Variants in VWA1 observed in about 807,000 individuals in gnomAD.
VWA1 encodes von Willebrand factor A domain-containing protein 1.
A neutral mutation model predicts 14.9 loss-of-function variants in VWA1; 12 were observed. The ratio of observed to expected loss-of-function variants is 0.80; its 90% CI spans 0.52 to 1.30. The LOEUF (loss-of-function observed/expected upper bound fraction) is 1.30. Among genes scored for constraint, VWA1 ranks in the 50% most tolerant of loss-of-function variants. The pLI is 0.00. For synonymous variants in VWA1, 368 were observed against 310.7 expected (o/e 1.18, Z -1.94); for missense variants, 800 against 649.1 (o/e 1.23, Z -2.53).
intron 2 of VWA1, 107 bp downstream of exon 2, chr1:1,437,591 G>T (rs1638574921): frequency 7.2e-7 from 1 of 1,382,928 alleles, no homozygotes; most frequent in East Asian, 2.4e-5. Flanking sequence ...AGCGGCCAGG[G>T]CCTCCGGGGC....
Position 1,439,327 on chromosome 1 carries a change from G to C in VWA1, c.878G>C (p.Arg293Thr), listed in dbSNP as rs751573348. Residue 293 changes from arginine (R) to threonine (T), a missense_variant, in exon 3 of 3, where the codon AGG becomes ACG. Coordinates refer to ENST00000476993, the MANE Select transcript of VWA1 (RefSeq NM_022834.5). ...LVPESNVRLL[R>T]PQILRVRTRP... The stretch of plus-strand genomic sequence containing the variant: ...CCTGAGTCCAACGTGCGCCTCCTGA[G>C]GCCCCAGATCCTGCGGGTGCGCACG... 3.2e-6 allele frequency: 5 copies of C among 1,583,434 alleles called. No homozygotes were observed. Among genetic ancestry groups the C allele is most frequent in the Non-Finnish European group, 4.3e-6 (5 of 1,170,780 alleles).
chr1:1,439,398 G>A lies in VWA1; in HGVS notation c.949G>A (p.Ala317Thr), dbSNP rs996884051. ...GPGASGPESG[A>T]GPAPTQLAAL... ...GGGGGCTTCGGGCCCGGAGTCGGGG[G>A]CTGGGCCGGCCCCCACGCAGCTCGC... Residue 317 changes from alanine (A) to threonine (T), a missense_variant, in exon 3 of 3, where the codon GCT becomes ACT. By Grantham distance (58) the Ala-to-Thr change is moderately conservative (BLOSUM62 0). Coordinates refer to ENST00000476993, the MANE Select transcript of VWA1 (RefSeq NM_022834.5). 9 of 1,456,080 alleles carry A rather than the reference G, an allele frequency of 6.2e-6. No individual in the cohort carries two copies. The highest frequency in any genetic ancestry group is 1.5e-5 in the African/African-American group (1 of 67,246). The allele number at this position is 1,456,080 out of a possible 1,614,324, so 90.2% of individuals were successfully genotyped here.
In VWA1 at chr1:1,438,759, C is replaced by T. The variant is rs112845049; in HGVS notation, c.632-322C>T. On this transcript the variant is annotated intron_variant, in intron 2 of 2. Transcript: ENST00000476993. ...TCTCAGGCACCACCGTGGACTCTGC[C>T]GTCTTTGAGGACCTTTGTCCTGGTC... 4.7e-4 allele frequency among the ~76,000 whole-genome samples: 72 copies of T among 152,282 alleles called. 1 individual carries two copies. The highest frequency in any genetic ancestry group is 1.5e-3 in the African/African-American group (61 of 41,548).
chr1:1,438,985 C>A (rs1437157374), intron 2 of VWA1, 96 bp from the exon 3 acceptor site: 6 of 1,453,806 alleles, frequency 4.1e-6, no homozygotes, highest in South Asian at 2.8e-5. Context: ...CCTAGTGGGG[C>A]CTCCAATCTC....
chr1:1,439,243 C>T lies in VWA1; in HGVS notation c.794C>T (p.Ala265Val). The change falls in exon 3 of 3, where the codon GCC becomes GTC. Residue 265 changes from alanine to valine, a missense_variant. Ala to Val is a moderately conservative substitution (Grantham distance 64, BLOSUM62 0). Coordinates refer to ENST00000476993, the MANE Select transcript of VWA1 (RefSeq NM_022834.5). ...AARRQQLPGNATDWIWAGLDP... is the reference protein window; with the variant it reads ...AARRQQLPGNVTDWIWAGLDP... The stretch of plus-strand genomic sequence containing the variant: ...AGACGCCAGCAGCTGCCAGGGAACG[C>T]CACGGACTGGATCTGGGCCGGCCTC... The T allele has an allele frequency of 6.2e-7, 1 of 1,607,528 alleles. No individual in the cohort carries two copies. Among genetic ancestry groups the T allele is most frequent in the Non-Finnish European group, 8.5e-7 (1 of 1,178,922 alleles).
chr1:1,436,826 G>A (rs1455669092), intron 1 of VWA1, 101 bp from the exon 2 acceptor site: 2 of 1,238,122 alleles, frequency 1.6e-6, no homozygotes, highest in East Asian at 4.8e-5. Flanking sequence ...GAGAAGGCAA[G>A]CATCCACTTA....
intron 1 of VWA1, 131 bp from the exon 2 acceptor site, chr1:1,436,796 C>T (rs764966458): frequency 3.2e-6 from 3 of 942,344 alleles, no homozygotes; most frequent in South Asian, 1.7e-5. Flanking sequence ...TTCCTCTTTC[C>T]CCCAACCTAG....
In VWA1 at chr1:1,439,769, C is replaced by T. The variant is rs1221131482; in HGVS notation, c.1320C>T (p.Thr440=). The T allele has an allele frequency of 1.8e-6, 2 of 1,083,872 alleles. No homozygotes were observed. The highest frequency in any genetic ancestry group is 4.0e-5 in the South Asian group (1 of 25,238). 67.1% of individuals were successfully genotyped at this position (1,083,872 alleles called of 1,614,324 possible). The change falls in exon 3 of 3, where the codon ACC becomes ACT. Residue 440 remains threonine (T), a synonymous_variant. Coordinates refer to ENST00000476993, the MANE Select transcript of VWA1 (RefSeq NM_022834.5). ...TGCCCCGCGCCCCGACCCCGGGGAC[C>T]GCCAGCCGTGAGCCGTAAGCCGGCG... ...RPVPRAPTPG[T]ASREP
chr1:1,439,176 T>C lies in VWA1; in HGVS notation c.727T>C (p.Tyr243His). Residue 243 changes from tyrosine to histidine, a missense_variant, in exon 3 of 3, where the codon TAT becomes CAT. Tyr to His is a moderately conservative substitution (Grantham distance 83). Transcript: ENST00000476993. The part of the protein sequence containing the change: ...PPLLTADSGY[Y>H]VLELVPSAQP... The stretch of plus-strand genomic sequence containing the variant: ...CCTGCTGACCGCAGACTCGGGCTAC[T>C]ATGTGCTGGAGCTGGTGCCCAGCGC... 1 of 1,605,478 alleles carries C rather than the reference T, an allele frequency of 6.2e-7. No homozygotes were observed. The highest frequency in any genetic ancestry group is 8.5e-7 in the Non-Finnish European group (1 of 1,179,408).
rs778346498 is a variant in VWA1 at position 1,437,484 on chromosome 1, G to A, written c.631G>A (p.Asp211Asn). The part of the protein sequence containing the change: ...IVQELRGSIL[D>N]AMRPQQLHAT... ...CCAAGAGCTGAGGGGCTCCATTCTCGGTATGCGGGAGGAGGCAGGGCCCAG... is the reference window on the plus strand; with the variant it reads ...CCAAGAGCTGAGGGGCTCCATTCTCAGTATGCGGGAGGAGGCAGGGCCCAG... Residue 211 changes from aspartate to asparagine, a missense_variant and splice_region_variant, in exon 2 of 3, where the codon GAC becomes AAC. Asp to Asn is a conservative substitution (Grantham distance 23, BLOSUM62 1). Transcript: ENST00000476993. The A allele has an allele frequency of 8.8e-6, 14 of 1,598,116 alleles. No homozygotes were observed. Among genetic ancestry groups the A allele is most frequent in the Non-Finnish European group, 1.1e-5 (13 of 1,169,364 alleles).
intron 2 of VWA1, among the ~76,000 whole-genome samples, chr1:1,438,869 G>A (rs1021529875): frequency 2.0e-5 from 3 of 152,228 alleles, no homozygotes; most frequent in African/African-American, 7.2e-5. Context: ...GCCTGAGGGG[G>A]CTGCACCCTT....
At position 1,439,018 on chromosome 1, in the gene VWA1, G is replaced by A. The variant is rs1001478504; in HGVS notation, c.632-63G>A. 59 of 1,527,808 alleles carry A rather than the reference G, an allele frequency of 3.9e-5. 1 individual carries two copies. The African/African-American group carries it at 4.3e-4, about 11-fold the overall frequency. The allele number at this position is 1,527,808 out of a possible 1,614,324, so 94.6% of individuals were successfully genotyped here. ...CTCCAGATCTTCCCCATCAGCCAGGGCCGCCCTCCAGCAGCGGAGGAGGAA... is the reference window on the plus strand; with the variant it reads ...CTCCAGATCTTCCCCATCAGCCAGGACCGCCCTCCAGCAGCGGAGGAGGAA... On this transcript the variant is annotated intron_variant, in intron 2 of 2. Transcript: ENST00000476993.
Position 1,440,549 on chromosome 1 carries a change from G to C in VWA1, c.*762G>C, listed in dbSNP as rs958642318. The C allele has an allele frequency of 1.0e-4, 17 of 165,648 alleles. No homozygotes were observed. The highest frequency in any genetic ancestry group is 3.6e-4 in the African/African-American group (15 of 41,222). The allele number at this position is 165,648 out of a possible 1,614,324, so 10.3% of individuals were successfully genotyped here. A position where few individuals can be genotyped will look rare whatever the true frequency, so the allele number is the denominator to read the frequency against. On this transcript the variant is annotated 3_prime_UTR_variant, in exon 3 of 3. Coordinates refer to ENST00000476993, the MANE Select transcript of VWA1 (RefSeq NM_022834.5). ...GACGACACTCTCCAGGGAGGCCCCA[G>C]CAACCACACCATCTTCTTGCTGTGA...
Position 1,439,314 on chromosome 1 carries a change from G to T in VWA1, c.865G>T (p.Val289Leu). The change falls in exon 3 of 3, where the codon GTG (valine) becomes TTG (leucine). Residue 289 changes from valine to leucine, a missense_variant. Val to Leu is a conservative substitution (Grantham distance 32). Coordinates refer to ENST00000476993, the MANE Select transcript of VWA1 (RefSeq NM_022834.5). ...CGTGGCGCTAGTGCCTGAGTCCAAC[G>T]TGCGCCTCCTGAGGCCCCAGATCCT... ...YDVALVPESNVRLLRPQILRV... is the reference protein window; with the variant it reads ...YDVALVPESNLRLLRPQILRV... 1 of 1,590,910 alleles carries T rather than the reference G, an allele frequency of 6.3e-7. No individual in the cohort carries two copies. Among genetic ancestry groups the T allele is most frequent in the African/African-American group, 1.3e-5 (1 of 74,780 alleles).
Position 1,440,378 on chromosome 1 carries a change from A to C in VWA1, c.*591A>C, listed in dbSNP as rs1019504175. On this transcript the variant is annotated 3_prime_UTR_variant, in exon 3 of 3. Transcript: ENST00000476993. ...CACCAGCTGGGTCCAGCTAGCAGCC[A>C]CTGGGAATCAGAGGAATGGGGCAGA... is the stretch of plus-strand genomic sequence containing the variant. 1.2e-5 allele frequency: 2 copies of C among 167,014 alleles called. No individual in the cohort carries two copies. Among genetic ancestry groups the C allele is most frequent in the Admixed American group, 6.5e-5 (1 of 15,292 alleles). The allele number at this position is 167,014 out of a possible 1,614,324, so 10.3% of individuals were successfully genotyped here. A position where few individuals can be genotyped will look rare whatever the true frequency, so the allele number is the denominator to read the frequency against.
At position 1,439,598 on chromosome 1, in the gene VWA1, G is replaced by C; in HGVS notation, c.1149G>C (p.Ala383=). 1 of 1,301,338 alleles carries C rather than the reference G, an allele frequency of 7.7e-7. No individual in the cohort carries two copies. The highest frequency in any genetic ancestry group is 9.8e-7 in the Non-Finnish European group (1 of 1,025,164). 80.6% of individuals were successfully genotyped at this position (1,301,338 alleles called of 1,614,324 possible). A position where few individuals can be genotyped will look rare whatever the true frequency, so the allele number is the denominator to read the frequency against. ...GGEAQRVEVP[A]GRNCTTLQGL... ...AGGCGCAGCGGGTGGAGGTGCCCGC[G>C]GGCCGCAACTGCACCACGCTGCAGG... Residue 383 remains alanine, a synonymous_variant, in exon 3 of 3, where the codon GCG becomes GCC. Transcript: ENST00000476993.
chr1:1,438,023 G>A (rs1638581906), intron 2 of VWA1, among the ~76,000 whole-genome samples: 1 of 152,230 alleles, frequency 6.6e-6, no homozygotes, highest in Non-Finnish European at 1.5e-5. Flanking sequence ...CAGGAGCTGA[G>A]CAGCTCCCAT....
Position 1,439,905 on chromosome 1 carries a change from G to A in VWA1, c.*118G>A. 1 of 1,012,034 alleles carries A rather than the reference G, an allele frequency of 9.9e-7. No homozygotes were observed. Among genetic ancestry groups the A allele is most frequent in the Non-Finnish European group, 1.2e-6 (1 of 843,950 alleles). 62.7% of individuals were successfully genotyped at this position (1,012,034 alleles called of 1,614,324 possible). A position where few individuals can be genotyped will look rare whatever the true frequency, so the allele number is the denominator to read the frequency against. On this transcript the variant is annotated 3_prime_UTR_variant, in exon 3 of 3. Coordinates refer to ENST00000476993, the MANE Select transcript of VWA1 (RefSeq NM_022834.5). ...GTGCAGGCCCGGCCTTTCCCCACGC[G>A]GACTCCGCGCGACCCCGGCCCTCTC... is the stretch of plus-strand genomic sequence containing the variant.
At chr1:1,438,906 C>CAA (rs1305018480) in intron 2 of VWA1, among the ~76,000 whole-genome samples, 175 bp from the exon 3 acceptor site, 1 of 152,152 alleles carries the variant, frequency 6.6e-6, no homozygotes, top group African/African-American at 2.4e-5. Context: ...AGCCAAGGCA[C>CAA]GTTCTGAGAA....
Sources: allele counts gnomAD v4.1 joint callset (sites outside exome capture counted in the v4.1 genomes callset), GRCh38; gene constraint gnomAD v4.1.1; transcripts MANE v1.5; gene names NCBI Gene and HGNC (gene_info 2026-07-23, HGNC 2026-07-21).